The following MGRN1 variants were observed in gnomAD, a reference collection of about 807,000 sequenced individuals.
The protein encoded by MGRN1 is E3 ubiquitin-protein ligase MGRN1.
MGRN1 carries 29 observed loss-of-function variants against 69.2 expected under a neutral mutation model. The observed-to-expected ratio is 0.42, with a 90% CI of 0.31 to 0.57. The LOEUF (loss-of-function observed/expected upper bound fraction) is 0.57, where lower values mean the gene tolerates loss of function less well. Among genes scored for constraint, MGRN1 ranks in the 20% least tolerant of loss-of-function variants. MGRN1 has a pLI of 0.15. For missense variants in MGRN1, 998 were observed against 796.2 expected, an observed-to-expected ratio of 1.25 and a Z score of -3.05; for synonymous variants, 470 against 344.2, an observed-to-expected ratio of 1.37 and a Z score of -4.04.
intron 10 of MGRN1, among the ~76,000 whole-genome samples, chr16:4,674,621 C>CTTTTT (rs2079014394): frequency 1.2e-4 from 7 of 59,782 alleles, no homozygotes; most frequent in African/African-American, 3.9e-4. Flanking sequence ...CTTTTCTTTT[C>CTTTTT]TTTTCTTTTT....
Position 4,681,766 on chromosome 16 carries a change from G to C in MGRN1, c.1348G>C (p.Ala450Pro), listed in dbSNP as rs1398303735. 1 of 1,610,828 alleles carries C rather than the reference G, an allele frequency of 6.2e-7. No homozygotes were observed. Among genetic ancestry groups the C allele is most frequent in the Non-Finnish European group, 8.5e-7 (1 of 1,178,958 alleles). Residue 450 changes from alanine (A) to proline (P), a missense_variant, in exon 13 of 17, where the codon GCC (alanine) becomes CCC (proline). Ala to Pro is a conservative substitution (Grantham distance 27, BLOSUM62 -1). Coordinates refer to ENST00000262370, the MANE Select transcript of MGRN1 (RefSeq NM_015246.4). Reference sequence around the variant, plus strand: ...CCAGAAGGGCAGGCCGCAGAGCAAGGCCCCCGACAGGTGAGCAGCAGCCAG... The same window carrying C: ...CCAGAAGGGCAGGCCGCAGAGCAAGCCCCCCGACAGGTGAGCAGCAGCCAG... Reference protein sequence around the residue: ...SRQKGRPQSKAPDSTLRSPSS... With the variant: ...SRQKGRPQSKPPDSTLRSPSS...
intron 4 of MGRN1, among the ~76,000 whole-genome samples, chr16:4,656,385 T>C (rs902519143): frequency 6.6e-6 from 1 of 152,122 alleles, no homozygotes; most frequent in Non-Finnish European, 1.5e-5. Flanking sequence ...TGCAGACGCA[T>C]GAAAGAGCAG....
At chr16:4,637,414 A>T (rs1188818112) in intron 1 of MGRN1, among the ~76,000 whole-genome samples, 2 of 152,100 alleles carry the variant, frequency 1.3e-5, no homozygotes, top group African/African-American at 2.4e-5. Flanking sequence ...TGAGCGACAG[A>T]GTGAGACTGT....
intron 9 of MGRN1, 74 bp from the exon 10 acceptor site, chr16:4,673,424 A>G (rs1222628271): frequency 1.9e-5 from 29 of 1,555,862 alleles, no homozygotes; most frequent in Admixed American, 1.2e-4. Context: ...GGGGTGGGAC[A>G]GCTGGGGACA....
chr16:4,689,017 C>A lies in MGRN1; in HGVS notation c.*109C>A. 1 of 1,396,744 alleles carries A rather than the reference C, an allele frequency of 7.2e-7. No individual in the cohort carries two copies. Among genetic ancestry groups the A allele is most frequent in the Non-Finnish European group, 9.4e-7 (1 of 1,060,924 alleles). 86.5% of individuals were successfully genotyped at this position (1,396,744 alleles called of 1,614,324 possible). ...CTCCTGTCTGCATGCCCCCTGTGGC[C>A]ACCAGGCTCCGAGGGGCCGTGGTGA... On this transcript the variant is annotated 3_prime_UTR_variant, in exon 17 of 17. Coordinates refer to ENST00000262370, the MANE Select transcript of MGRN1 (RefSeq NM_015246.4).
At chr16:4,676,295 G>T (rs2079051614) in intron 10 of MGRN1, among the ~76,000 whole-genome samples, 1 of 152,194 alleles carries the variant, frequency 6.6e-6, no homozygotes, top group African/African-American at 2.4e-5. Context: ...ACCAGGAAGT[G>T]GGGGCAGGGG....
rs781189317 is a variant in MGRN1 at position 4,625,003 on chromosome 16, A to C, written c.43A>C (p.Ile15Leu). 6.4e-7 allele frequency: 1 copy of C among 1,560,658 alleles called. No homozygotes were observed. The highest frequency in any genetic ancestry group is 8.7e-7 in the Non-Finnish European group (1 of 1,155,840). Residue 15 changes from isoleucine (I) to leucine (L), a missense_variant, in exon 1 of 17, where the codon ATC (isoleucine) becomes CTC (leucine). Transcript: ENST00000262370. Reference protein sequence around the residue: ...LSRRIAGVEDIDIQANSAYRY... With the variant: ...LSRRIAGVEDLDIQANSAYRY... ...CCGCCGCATCGCGGGGGTGGAGGAC[A>C]TCGACATCCAGGCGAACTCGGCCTA... is the stretch of plus-strand genomic sequence containing the variant.
rs766433794 is a variant in MGRN1, at chr16:4,682,853, C to A, written c.1389C>A (p.His463Gln). 3 of 1,605,236 alleles carry A rather than the reference C, an allele frequency of 1.9e-6. No individual in the cohort carries two copies. Among genetic ancestry groups the A allele is most frequent in the Non-Finnish European group, 1.7e-6 (2 of 1,173,564 alleles). The change falls in exon 14 of 17, where the codon CAC (histidine) becomes CAA (glutamine). Residue 463 changes from histidine (H) to glutamine (Q), a missense_variant. Physicochemically the swap from His to Gln is conservative, Grantham distance 24. Transcript: ENST00000262370. The part of the protein sequence containing the change: ...STLRSPSSPI[H>Q]EEDEEKLSED... ...TACGGTCCCCGTCTTCCCCCATCCACGAAGAGGATGAGGAGAAGCTCTCCG... is the reference window on the plus strand; with the variant it reads ...TACGGTCCCCGTCTTCCCCCATCCAAGAAGAGGATGAGGAGAAGCTCTCCG...
intron 7 of MGRN1, 119 bp from the exon 8 acceptor site, chr16:4,668,146 C>CT: frequency 9.2e-6 from 4 of 435,426 alleles, no homozygotes; most frequent in East Asian, 3.8e-5. Flanking sequence ...TTTCTTTTTT[C>CT]TTTTTCCAGC....
intron 4 of MGRN1, among the ~76,000 whole-genome samples, chr16:4,653,222 C>T (rs1348861491): frequency 6.6e-6 from 1 of 152,176 alleles, no homozygotes; most frequent in East Asian, 1.9e-4. Context: ...TCACAGAACC[C>T]AGGGAAACAC....
intron 10 of MGRN1, 84 bp from the exon 11 acceptor site, chr16:4,677,379 G>C: frequency 2.9e-6 from 3 of 1,025,006 alleles, no homozygotes; most frequent in East Asian, 2.9e-5. Flanking sequence ...GGTGTGGGGG[G>C]GGTGTTGATC....
intron 1 of MGRN1, among the ~76,000 whole-genome samples, chr16:4,628,726 G>C (rs761848506): frequency 6.6e-6 from 1 of 152,096 alleles, no homozygotes; most frequent in Non-Finnish European, 1.5e-5. Flanking sequence ...TAAATTTTTG[G>C]TACAGATGAG....
At chr16:4,682,713 G>A (rs1051080477) in intron 13 of MGRN1, 110 bp from the exon 14 acceptor site, 11 of 1,282,256 alleles carry the variant, frequency 8.6e-6, no homozygotes, top group Non-Finnish European at 1.0e-5. Flanking sequence ...CCTTGCGTGG[G>A]TCCTGGCAGG....
At chr16:4,680,881 G>T (rs1409270466) in intron 12 of MGRN1, among the ~76,000 whole-genome samples, 1 of 152,190 alleles carries the variant, frequency 6.6e-6, no homozygotes, top group East Asian at 1.9e-4. Context: ...CGGTCAGGCA[G>T]GCCGGGGTCT....
At chr16:4,649,723 C>T (rs553769078) in intron 1 of MGRN1, 15 of 152,686 alleles carry the variant, frequency 9.8e-5, no homozygotes, top group African/African-American at 3.4e-4. Context: ...CGAACTTCAT[C>T]GGAAACACAG....
intron 4 of MGRN1, among the ~76,000 whole-genome samples, chr16:4,654,498 A>G (rs759731285): frequency 3.3e-5 from 5 of 152,258 alleles, no homozygotes; most frequent in South Asian, 2.1e-4. Flanking sequence ...ATGTGCCCCA[A>G]GTGGCTTTAG....
At chr16:4,656,964 C>T (rs1203151097) in intron 4 of MGRN1, among the ~76,000 whole-genome samples, 1 of 152,160 alleles carries the variant, frequency 6.6e-6, no homozygotes, top group Non-Finnish European at 1.5e-5. Context: ...AGGAAAAGCA[C>T]AGCTACACTG....
chr16:4,680,515 C>T (rs2079157183), intron 12 of MGRN1: 1 of 180,186 alleles, frequency 5.5e-6, no homozygotes, highest in South Asian at 9.1e-5. Flanking sequence ...TTTTGGTTTC[C>T]TTGGGCTTCC....
At chr16:4,661,507 G>A (rs978709279) in intron 5 of MGRN1, among the ~76,000 whole-genome samples, 1 of 152,236 alleles carries the variant, frequency 6.6e-6, no homozygotes, top group Non-Finnish European at 1.5e-5. Context: ...CACGGCTTCC[G>A]TTCCATTTTG....
Sources: gnomAD v4.1 joint callset for allele counts (sites outside exome capture counted in the v4.1 genomes callset) on GRCh38, gnomAD v4.1.1 for gene constraint, MANE v1.5 for transcripts, NCBI Gene and HGNC (gene_info 2026-07-23, HGNC 2026-07-21) for gene names.